Variants in SPAG16 observed in about 807,000 individuals in gnomAD.
SPAG16 encodes sperm associated antigen 16, also known as sperm-associated antigen 16 protein.
In SPAG16, 86 loss-of-function variants were observed where a neutral mutation model predicts 80.4. The ratio of observed to expected loss-of-function variants is 1.07; its 90% CI spans 0.90 to 1.28. The LOEUF (loss-of-function observed/expected upper bound fraction) is 1.28. Among genes scored for constraint, SPAG16 ranks in the 50% most tolerant of loss-of-function variants. The probability of loss-of-function intolerance (pLI) is 0.00; values close to 1 mark genes in which losing one functional copy is unlikely to be tolerated. For synonymous variants in SPAG16, 294 were observed against 265.9 expected (o/e 1.11, Z -1.03); for missense variants, 870 against 765.3 (o/e 1.14, Z -1.61).
intron 9 of SPAG16, among the ~76,000 whole-genome samples, chr2:213,388,441 G>A (rs1012651653): frequency 7.2e-5 from 11 of 152,124 alleles, no homozygotes; most frequent in African/African-American, 1.7e-4. Flanking sequence ...ACATTCAGAA[G>A]CAACTGCATA....
At chr2:213,499,759 C>T (rs1049947537) in intron 10 of SPAG16, among the ~76,000 whole-genome samples, 10 of 152,266 alleles carry the variant, frequency 6.6e-5, no homozygotes, top group Admixed American at 2.0e-4. Flanking sequence ...ACCAAATTCT[C>T]TTGCCCTTTT....
At chr2:214,309,652 A>AT (rs775288777) in intron 15 of SPAG16, among the ~76,000 whole-genome samples, 4 of 150,580 alleles carry the variant, frequency 2.7e-5, no homozygotes, top group Non-Finnish European at 5.9e-5. Flanking sequence ...TTTCTGGGAG[A>AT]TTTTAGGGGG....
chr2:213,932,177 TATATATATATATATATATA>T (rs1234365024), intron 12 of SPAG16, among the ~76,000 whole-genome samples: 22 of 26,644 alleles, frequency 8.3e-4, no homozygotes, highest in African/African-American at 1.4e-3. Flanking sequence ...TATATATATA[TATATATATATATATATATA>T]TATTTGTTGT....
chr2:213,629,566 A>G (rs2062071662), intron 10 of SPAG16, among the ~76,000 whole-genome samples: 2 of 152,146 alleles, frequency 1.3e-5, no homozygotes, highest in East Asian at 3.8e-4. Context: ...AGTCAAATCT[A>G]TTTCCCATCC....
At chr2:213,815,720 C>T (rs1377276862) in intron 10 of SPAG16, among the ~76,000 whole-genome samples, 1 of 151,986 alleles carries the variant, frequency 6.6e-6, no homozygotes, top group Non-Finnish European at 1.5e-5. Context: ...ATTTTTATCT[C>T]AAAGTAACCA....
intron 8 of SPAG16, among the ~76,000 whole-genome samples, chr2:213,371,409 AAAAAAAAAAGAAAAG>A (rs1559465899): frequency 6.9e-6 from 1 of 144,426 alleles, no homozygotes; most frequent in African/African-American, 2.5e-5. Flanking sequence ...AAAAAAAAAA[AAAAAAAAAAGAAAAG>A]AAAAGACGAT....
intron 10 of SPAG16, among the ~76,000 whole-genome samples, chr2:213,642,923 C>T (rs550967441): frequency 6.6e-6 from 1 of 151,134 alleles, no homozygotes; most frequent in Non-Finnish European, 1.5e-5. Flanking sequence ...ACATCGAACT[C>T]CACGTTCTTC....
At chr2:214,240,646 A>G (rs912658604) in intron 15 of SPAG16, 8 of 152,212 alleles carry the variant, frequency 5.3e-5, no homozygotes, top group Non-Finnish European at 4.4e-5. Flanking sequence ...ATTTAGCTAT[A>G]CAATCTACTT....
chr2:214,032,730 AG>A (rs2048477175), intron 13 of SPAG16, among the ~76,000 whole-genome samples: 1 of 152,204 alleles, frequency 6.6e-6, no homozygotes, highest in Non-Finnish European at 1.5e-5. Context: ...GAAAAGATAA[AG>A]TAAAACCCCA....
At chr2:214,005,199 C>G (rs750805947) in intron 12 of SPAG16, among the ~76,000 whole-genome samples, 1 of 152,154 alleles carries the variant, frequency 6.6e-6, no homozygotes, top group Non-Finnish European at 1.5e-5. Flanking sequence ...CTACTCTGGC[C>G]TTTTAACCCC....
chr2:213,612,054 T>C (rs560859758), intron 10 of SPAG16, among the ~76,000 whole-genome samples: 1 of 152,300 alleles, frequency 6.6e-6, no homozygotes, highest in East Asian at 1.9e-4. Context: ...TTTTTATTGA[T>C]CTCAAAACTG....
At chr2:213,429,877 G>C (rs1039913284) in intron 9 of SPAG16, among the ~76,000 whole-genome samples, 1 of 152,154 alleles carries the variant, frequency 6.6e-6, no homozygotes, top group Non-Finnish European at 1.5e-5. Context: ...AATAAGAAGT[G>C]ACTGTTTCTC....
chr2:213,453,199 C>A (rs998433979), intron 9 of SPAG16, among the ~76,000 whole-genome samples: 2 of 152,234 alleles, frequency 1.3e-5, no homozygotes, highest in South Asian at 4.1e-4. Flanking sequence ...ATATTTATTT[C>A]TTCCATTTCA....
intron 13 of SPAG16, among the ~76,000 whole-genome samples, chr2:214,049,505 A>G (rs1041535275): frequency 6.6e-6 from 1 of 152,218 alleles, no homozygotes; most frequent in Non-Finnish European, 1.5e-5. Flanking sequence ...CATATATTTC[A>G]TTGTAAATAT....
At chr2:213,366,333 C>T (rs963653090) in intron 8 of SPAG16, among the ~76,000 whole-genome samples, 2 of 151,848 alleles carry the variant, frequency 1.3e-5, no homozygotes, top group African/African-American at 4.8e-5. Flanking sequence ...ACTAATCATA[C>T]ACATAAAGAG....
chr2:214,401,442 T>C (rs73072726), intron 15 of SPAG16, among the ~76,000 whole-genome samples: 27,688 of 151,808 alleles, frequency 0.18, 3,181 homozygotes, highest in African/African-American at 0.31. Flanking sequence ...ACAATGATTT[T>C]TGTCTCTATT....
At chr2:214,099,434 A>G (rs776310763) in intron 13 of SPAG16, among the ~76,000 whole-genome samples, 2 of 152,132 alleles carry the variant, frequency 1.3e-5, no homozygotes, top group Non-Finnish European at 2.9e-5. Flanking sequence ...AGTACTTAGT[A>G]AAGTGTTTAT....
At chr2:214,011,161 C>G (rs1225921804) in intron 12 of SPAG16, among the ~76,000 whole-genome samples, 1 of 144,954 alleles carries the variant, frequency 6.9e-6, no homozygotes, top group African/African-American at 2.7e-5. Flanking sequence ...CCCACCTCAC[C>G]TCTCTGTCTC....
intron 13 of SPAG16, among the ~76,000 whole-genome samples, chr2:214,075,480 A>T (rs572688997): frequency 2.6e-5 from 4 of 152,170 alleles, no homozygotes; most frequent in Non-Finnish European, 5.9e-5. Context: ...CGCCGTAATG[A>T]TCTACAAGTC....
Sources: gnomAD v4.1 joint callset for allele counts (sites outside exome capture counted in the v4.1 genomes callset) on GRCh38, gnomAD v4.1.1 for gene constraint, MANE v1.5 for transcripts, NCBI Gene and HGNC (gene_info 2026-07-23, HGNC 2026-07-21) for gene names.